The following RNF144A variants were observed in gnomAD, a reference collection of about 807,000 sequenced individuals.
RNF144A encodes the protein E3 ubiquitin-protein ligase RNF144A.
A neutral mutation model predicts 38.7 loss-of-function variants in RNF144A; 11 were observed. That is an observed-to-expected ratio of 0.28 (90% CI 0.18 to 0.47). The LOEUF (loss-of-function observed/expected upper bound fraction) is 0.47. Among genes scored for constraint, RNF144A ranks in the 20% least tolerant of loss-of-function variants. The probability of loss-of-function intolerance (pLI) is 0.99; values close to 1 mark genes in which losing one functional copy is unlikely to be tolerated. For synonymous variants in RNF144A, 149 were observed against 143.9 expected (o/e 1.04, Z -0.25); for missense variants, 316 against 377.2 (o/e 0.84, Z 1.34).
chr2:7,073,017 G>A (rs1674535035), downstream of RNF144A, among the ~76,000 whole-genome samples: 1 of 152,054 alleles, frequency 6.6e-6, no homozygotes. Context: ...TACATACCAT[G>A]AGACTCCTTG....
chr2:7,056,934 A>G (rs1328576821), intron 6 of RNF144A, among the ~76,000 whole-genome samples: 1 of 152,020 alleles, frequency 6.6e-6, no homozygotes, highest in Non-Finnish European at 1.5e-5. Context: ...TCAGCCCCTC[A>G]CCTTGGGGCT....
intron 1 of RNF144A, among the ~76,000 whole-genome samples, chr2:6,937,277 TG>T (rs1486540840): frequency 1.3e-5 from 2 of 152,348 alleles, no homozygotes; most frequent in East Asian, 3.9e-4. Flanking sequence ...GCCCATTTGC[TG>T]GTGCTGAGAA....
At chr2:7,023,626 A>G (rs897422322) in intron 6 of RNF144A, among the ~76,000 whole-genome samples, 4 of 152,190 alleles carry the variant, frequency 2.6e-5, no homozygotes, top group Admixed American at 6.5e-5. Flanking sequence ...AGTCATACCT[A>G]ATGTCTGTGT....
intron 1 of RNF144A, among the ~76,000 whole-genome samples, chr2:6,936,995 G>A (rs1665632888): frequency 6.6e-6 from 1 of 151,922 alleles, no homozygotes; most frequent in Admixed American, 6.6e-5. Context: ...ACATGGTCGG[G>A]GTGCAAGAAA....
chr2:7,036,512 G>T (rs141696248), intron 8 of RNF144A, among the ~76,000 whole-genome samples: 70 of 152,266 alleles, frequency 4.6e-4, no homozygotes, highest in African/African-American at 1.6e-3. Flanking sequence ...TGTTCTAAGG[G>T]TATTTCTCAC....
intron 3 of RNF144A, among the ~76,000 whole-genome samples, chr2:7,009,366 A>C (rs866406105): frequency 3.8e-4 from 58 of 152,318 alleles, no homozygotes; most frequent in African/African-American, 1.3e-3. Context: ...GCAGGGGAGC[A>C]GCACGCCGAT....
chr2:7,018,490 C>T (rs1671292654), intron 5 of RNF144A, among the ~76,000 whole-genome samples: 1 of 152,216 alleles, frequency 6.6e-6, no homozygotes, highest in Admixed American at 6.5e-5. Flanking sequence ...GTTTCCTCCT[C>T]ACTGCTCAGC....
chr2:6,965,364 G>C (rs1340947272), intron 2 of RNF144A, among the ~76,000 whole-genome samples: 2 of 152,206 alleles, frequency 1.3e-5, no homozygotes, highest in South Asian at 2.1e-4. Flanking sequence ...ACATGTGAAG[G>C]CAGGTGGAAG....
chr2:7,053,782 A>G (rs953409458), intron 6 of RNF144A, among the ~76,000 whole-genome samples: 1 of 152,240 alleles, frequency 6.6e-6, no homozygotes, highest in South Asian at 2.1e-4. Flanking sequence ...CAGACTCAGC[A>G]GGATTGGTGC....
At chr2:6,982,114 G>T (rs181120457) in intron 2 of RNF144A, among the ~76,000 whole-genome samples, 121 of 152,276 alleles carry the variant, frequency 7.9e-4, no homozygotes, top group Non-Finnish European at 1.5e-3. Flanking sequence ...CTCCCACCAG[G>T]TCTGTTCATG....
chr2:6,919,801 C>T (rs10193011), intron 1 of RNF144A, among the ~76,000 whole-genome samples: 39,703 of 152,102 alleles, frequency 0.26, 5,738 homozygotes, highest in South Asian at 0.38. Context: ...AAAGAGCTCC[C>T]GATTCTAATG....
In RNF144A at chr2:7,026,443, A is replaced by C. The variant is rs150626466; in HGVS notation, c.657+1927A>C. The stretch of plus-strand genomic sequence containing the variant: ...TGGAGTGGCATCTGAAGTCTTACCA[A>C]GTTTTTTAGGGCCTTCAAGGTCTTA... On this transcript the variant is annotated intron_variant, in intron 7 of 8. Coordinates refer to ENST00000320892, the MANE Select transcript of RNF144A (RefSeq NM_014746.6). Among the ~76,000 whole-genome samples, 487 of 150,848 alleles carry C rather than the reference A, an allele frequency of 3.2e-3. 2 individuals are homozygous for C. The highest frequency in any genetic ancestry group is 0.011 in the African/African-American group (467 of 41,150).
chr2:7,074,682 T>G, the RNF144A span: 2 of 152,236 alleles, frequency 1.3e-5, no homozygotes, highest in African/African-American at 2.4e-5. Context: ...TCTGTGTCTA[T>G]GTCACTCCTA....
At chr2:6,949,408 C>T (rs1572247382) in intron 2 of RNF144A, among the ~76,000 whole-genome samples, 3 of 130,474 alleles carry the variant, frequency 2.3e-5, no homozygotes, top group Admixed American at 1.5e-4. Flanking sequence ...TCCTTTCCTT[C>T]TTTTTTTTTT....
In RNF144A at chr2:7,031,180, C is replaced by A. The variant is rs185722877; in HGVS notation, c.747+965C>A. On this transcript the variant is annotated intron_variant, in intron 8 of 8. Coordinates refer to ENST00000320892, the MANE Select transcript of RNF144A (RefSeq NM_014746.6). Reference sequence around the variant, plus strand: ...CGTCCATGGCCCAGGTGTTGGGGACCCTGGCCCTAGGTGTTAATGCCTGTG... The same window carrying A: ...CGTCCATGGCCCAGGTGTTGGGGACACTGGCCCTAGGTGTTAATGCCTGTG... 3.3e-4 allele frequency among the ~76,000 whole-genome samples: 50 copies of A among 152,260 alleles called. No individual in the cohort carries two copies. In the East Asian group the frequency reaches 9.1e-3, roughly 28 times the overall value.
chr2:7,035,114 C>T (rs554773324), intron 8 of RNF144A, among the ~76,000 whole-genome samples: 21 of 152,330 alleles, frequency 1.4e-4, no homozygotes, highest in South Asian at 1.0e-3. Flanking sequence ...CAGAGGAGCC[C>T]GCTCAGGATG....
At position 6,982,910 on chromosome 2, in the gene RNF144A, C is replaced by G. The variant is rs143500208; in HGVS notation, c.-11-14006C>G. On this transcript the variant is annotated intron_variant, in intron 2 of 8. Coordinates refer to ENST00000320892, the MANE Select transcript of RNF144A (RefSeq NM_014746.6). ...GTACATTGGAAAATAGCTGAGGCCC[C>G]GTGAAATGGAATGCCACAGCTTCTG... Among the ~76,000 whole-genome samples the G allele has an allele frequency of 3.6e-3, 547 of 152,278 alleles. 1 individual carries two copies. The highest frequency in any genetic ancestry group is 5.1e-3 in the Non-Finnish European group (350 of 68,010).
rs186434336 is a variant in RNF144A at position 7,041,335 on chromosome 2, T to G, written c.*1575T>G. The stretch of plus-strand genomic sequence containing the variant: ...GGTTGGAAATTTATTTCTTATTTCC[T>G]AACATTGAATTCGTTAGAAAAAACA... On this transcript the variant is annotated 3_prime_UTR_variant, in exon 9 of 9. Transcript: ENST00000320892. The G allele has an allele frequency of 2.5e-3, 2,506 of 985,834 alleles. 12 individuals are homozygous for G. The highest frequency in any genetic ancestry group is 2.5e-3 in the Non-Finnish European group (2,080 of 829,880). The allele number at this position is 985,834 out of a possible 1,614,324, so 61.1% of individuals were successfully genotyped here. A position where few individuals can be genotyped will look rare whatever the true frequency, so the allele number is the denominator to read the frequency against.
intron 2 of RNF144A, among the ~76,000 whole-genome samples, chr2:6,967,415 G>A (rs557774991): frequency 3.9e-5 from 6 of 152,340 alleles, no homozygotes; most frequent in Non-Finnish European, 5.9e-5. Context: ...AAGGGAACCG[G>A]CCCAGGGTCT....
Sources: allele counts gnomAD v4.1 joint callset (sites outside exome capture counted in the v4.1 genomes callset), GRCh38; gene constraint gnomAD v4.1.1; transcripts MANE v1.5; gene names NCBI Gene and HGNC (gene_info 2026-07-23, HGNC 2026-07-21).